The following PDE4D variants were observed in gnomAD, a reference collection of about 807,000 sequenced individuals.
The protein encoded by PDE4D is phosphodiesterase 4D, also known as 3',5'-cyclic-AMP phosphodiesterase 4D.
Under a neutral mutation model 87.4 loss-of-function variants are expected in PDE4D, and 24 were observed. The ratio of observed to expected loss-of-function variants is 0.27; its 90% CI spans 0.20 to 0.39. The LOEUF (loss-of-function observed/expected upper bound fraction) is 0.39. PDE4D is among the 10% of genes least tolerant of loss of function. The pLI, the probability that PDE4D is intolerant of heterozygous loss-of-function variation, is 1.00. For synonymous variants in PDE4D, 384 were observed against 383.2 expected (o/e 1.00, Z -0.02); for missense variants, 714 against 1,041.0 (o/e 0.69, Z 4.32).
intron 1 of PDE4D, among the ~76,000 whole-genome samples, chr5:59,713,165 G>A (rs1246745276): frequency 1.3e-5 from 2 of 152,164 alleles, no homozygotes; most frequent in Non-Finnish European, 2.9e-5. Context: ...AACTTTGCTA[G>A]CAATTAGGAA....
At chr5:59,091,198 A>G in intron 5 of PDE4D, 2 of 442,478 alleles carry the variant, frequency 4.5e-6, no homozygotes, top group African/African-American at 2.0e-5. Flanking sequence ...AATTCTCATT[A>G]CCTTCTCAAC....
chr5:59,896,015 G>T (rs1409047235), upstream of PDE4D, among the ~76,000 whole-genome samples: 1 of 152,120 alleles, frequency 6.6e-6, no homozygotes, highest in Non-Finnish European at 1.5e-5. Context: ...CCAACTTGTA[G>T]AGTTTTTAAT....
chr5:60,313,208 A>G (rs1755210824), intron 1 of PDE4D, among the ~76,000 whole-genome samples: 1 of 152,124 alleles, frequency 6.6e-6, no homozygotes, highest in Non-Finnish European at 1.5e-5. Context: ...AAAAAAAGAG[A>G]GATGATCCAA....
chr5:59,507,130 G>T (rs1294424350), intron 1 of PDE4D, among the ~76,000 whole-genome samples: 1 of 152,060 alleles, frequency 6.6e-6, no homozygotes, highest in Non-Finnish European at 1.5e-5. Flanking sequence ...TGAGGAGTTC[G>T]TGACCAGCCC....
chr5:59,484,156 TGG>T (rs1220617855), intron 1 of PDE4D, among the ~76,000 whole-genome samples: 2 of 152,198 alleles, frequency 1.3e-5, no homozygotes, highest in Admixed American at 1.3e-4. Context: ...AAAACATCCC[TGG>T]GGAATTCCAC....
intron 3 of PDE4D, among the ~76,000 whole-genome samples, chr5:59,964,212 C>A (rs375247701): frequency 5.3e-5 from 8 of 152,188 alleles, no homozygotes; most frequent in African/African-American, 1.9e-4. Context: ...ATGTTCTGAC[C>A]CATTCTCTTC....
intron 1 of PDE4D, among the ~76,000 whole-genome samples, chr5:59,607,442 TA>T (rs1411803749): frequency 6.6e-6 from 1 of 152,116 alleles, no homozygotes; most frequent in African/African-American, 2.4e-5. Context: ...CTGTACGTTT[TA>T]GAGAAATGAC....
At chr5:59,205,739 A>C (rs1748643208) in intron 2 of PDE4D, among the ~76,000 whole-genome samples, 1 of 151,804 alleles carries the variant, frequency 6.6e-6, no homozygotes, top group South Asian at 2.1e-4. Context: ...GGTTATAACA[A>C]ATTCAATTTG....
At chr5:59,119,491 C>T (rs1774131658) in intron 5 of PDE4D, among the ~76,000 whole-genome samples, 1 of 152,150 alleles carries the variant, frequency 6.6e-6, no homozygotes, top group South Asian at 2.1e-4. Flanking sequence ...TTCATGAAAG[C>T]TGATTTATTA....
intron 1 of PDE4D, among the ~76,000 whole-genome samples, chr5:59,289,478 A>T (rs1767598649): frequency 6.6e-6 from 1 of 151,696 alleles, no homozygotes; most frequent in African/African-American, 2.4e-5. Context: ...GCATTTGATA[A>T]AATTCAACAT....
intron 1 of PDE4D, among the ~76,000 whole-genome samples, chr5:60,375,231 C>G (rs1761342859): frequency 1.3e-5 from 2 of 152,134 alleles, no homozygotes; most frequent in Non-Finnish European, 2.9e-5. Flanking sequence ...TTTGTTTACC[C>G]TATGAGGACA....
intron 1 of PDE4D, among the ~76,000 whole-genome samples, chr5:59,590,155 TTTA>T (rs1825720225): frequency 6.6e-6 from 1 of 152,176 alleles, no homozygotes; most frequent in Non-Finnish European, 1.5e-5. Flanking sequence ...TTTTATTCCA[TTTA>T]TATTAGAAAG....
At chr5:59,049,419 C>CT (rs1392881556) in intron 5 of PDE4D, among the ~76,000 whole-genome samples, 1 of 152,086 alleles carries the variant, frequency 6.6e-6, no homozygotes, top group African/African-American at 2.4e-5. Flanking sequence ...AACTCTTTCT[C>CT]TTTTTTTAAA....
intron 1 of PDE4D, among the ~76,000 whole-genome samples, chr5:59,852,994 T>TTCTCTCTCTTAA (rs762530242): frequency 3.3e-5 from 5 of 152,038 alleles, no homozygotes; most frequent in Non-Finnish European, 7.4e-5. Flanking sequence ...AGATTAAGAG[T>TTCTCTCTCTTAA]TCTCTCTCTG....
At chr5:59,758,443 T>G (rs1274453322) in intron 1 of PDE4D, among the ~76,000 whole-genome samples, 1 of 152,178 alleles carries the variant, frequency 6.6e-6, no homozygotes, top group Non-Finnish European at 1.5e-5. Flanking sequence ...CTTTTCAAGA[T>G]CTCCTTTTGA....
At chr5:59,189,953 T>C (rs1386897141) in intron 3 of PDE4D, among the ~76,000 whole-genome samples, 5 of 152,214 alleles carry the variant, frequency 3.3e-5, no homozygotes, top group African/African-American at 7.2e-5. Context: ...AGAGATACTA[T>C]AGGATCCTTT....
chr5:59,730,897 T>C (rs573173625), intron 1 of PDE4D, among the ~76,000 whole-genome samples: 55 of 152,288 alleles, frequency 3.6e-4, no homozygotes, highest in African/African-American at 1.3e-3. Context: ...AACATAATAG[T>C]ATACAGGTAA....
intron 1 of PDE4D, among the ~76,000 whole-genome samples, chr5:60,202,343 A>C (rs1022525668): frequency 6.6e-6 from 1 of 151,980 alleles, no homozygotes; most frequent in African/African-American, 2.4e-5. Flanking sequence ...TTTTAAAAAA[A>C]TTTTGTAAAG....
At position 60,205,152 on chromosome 5, in the gene PDE4D, G is replaced by T. The variant is rs916000114; in HGVS notation, c.-89-19465C>A. On this transcript the variant is annotated intron_variant, in intron 1 of 16. Transcript: ENST00000502484. Reference sequence around the variant, plus strand: ...GATCCCCAGCTCAAAGGCTAGGTCCGCTGTCAGCTGCCAGGCCTACTTGAG... The same window carrying T: ...GATCCCCAGCTCAAAGGCTAGGTCCTCTGTCAGCTGCCAGGCCTACTTGAG... Among the ~76,000 whole-genome samples, 6 of 152,172 alleles carry T rather than the reference G, an allele frequency of 3.9e-5. No homozygotes were observed. The South Asian group carries it at 8.3e-4, about 21-fold the overall frequency.
Sources: allele counts gnomAD v4.1 joint callset (sites outside exome capture counted in the v4.1 genomes callset), GRCh38; gene constraint gnomAD v4.1.1; transcripts MANE v1.5; gene names NCBI Gene and HGNC (gene_info 2026-07-23, HGNC 2026-07-21).